GLI3: variants seen among roughly 807,000 people sequenced by gnomAD.
GLI3 encodes the protein GLI family zinc finger 3.
GLI3 carries 20 observed loss-of-function variants against 100.8 expected under a neutral mutation model. The observed-to-expected ratio is 0.20, with a 90% CI of 0.14 to 0.29. GLI3 has a LOEUF of 0.29. Ranked by LOEUF, GLI3 falls within the 10% of genes least tolerant of loss-of-function variation. GLI3 has a pLI of 1.00. For synonymous variants in GLI3, 938 were observed against 860.5 expected (o/e 1.09, Z -1.58); for missense variants, 2,040 against 2,128.5 (o/e 0.96, Z 0.82).
intron 3 of GLI3, among the ~76,000 whole-genome samples, chr7:42,120,008 T>A (rs1358269919): frequency 6.6e-6 from 1 of 152,188 alleles, no homozygotes; most frequent in Non-Finnish European, 1.5e-5. Flanking sequence ...TAGAGGGAGT[T>A]GTCTCCATCT....
At chr7:42,104,288 C>T (rs1381480400) in intron 3 of GLI3, among the ~76,000 whole-genome samples, 3 of 152,176 alleles carry the variant, frequency 2.0e-5, no homozygotes, top group Non-Finnish European at 4.4e-5. Context: ...AGACATACTG[C>T]GTACCCAACA....
At chr7:42,150,652 GA>G (rs772099264) in intron 2 of GLI3, among the ~76,000 whole-genome samples, 1 of 152,182 alleles carries the variant, frequency 6.6e-6, no homozygotes, top group Non-Finnish European at 1.5e-5. Context: ...CATTCTCTGG[GA>G]AAGATGAATA....
rs1266057870 is a variant in GLI3 at position 41,966,707 on chromosome 7, C to T, written c.2432-66G>A. ...CCCTTCGAGCATGACTTACACCAGG[C>T]ATGAGCAACCCTTTTCTGTAAAGGG... On this transcript the variant is annotated intron_variant, in intron 14 of 14. Transcript: ENST00000395925. The surrounding 1 kb of genome is among the most constrained non-coding windows in gnomAD (Gnocchi z 5.8). The T allele has an allele frequency of 5.2e-6, 8 of 1,528,134 alleles. No homozygotes were observed. In the Admixed American group the frequency reaches 1.0e-4, roughly 19 times the overall value. 94.7% of individuals were successfully genotyped at this position (1,528,134 alleles called of 1,614,324 possible). A position where few individuals can be genotyped will look rare whatever the true frequency, so the allele number is the denominator to read the frequency against.
At chr7:42,177,588 C>T (rs1358131577) in intron 2 of GLI3, among the ~76,000 whole-genome samples, 3 of 152,074 alleles carry the variant, frequency 2.0e-5, no homozygotes, top group East Asian at 3.9e-4. Context: ...ATTTCTATGG[C>T]TTAAAAACAT....
At chr7:42,135,390 A>AGCT (rs1268811973) in intron 3 of GLI3, among the ~76,000 whole-genome samples, 13 of 152,234 alleles carry the variant, frequency 8.5e-5, no homozygotes, top group Non-Finnish European at 1.3e-4. Flanking sequence ...ATGTAGCAGG[A>AGCT]GAGCATTGCC....
In GLI3 at chr7:42,048,559, A is replaced by T; in HGVS notation, c.611T>A (p.Ile204Asn). 2 of 1,613,188 alleles carry T rather than the reference A, an allele frequency of 1.2e-6. No homozygotes were observed. The highest frequency in any genetic ancestry group is 1.7e-6 in the Non-Finnish European group (2 of 1,179,732). Residue 204 changes from isoleucine to asparagine, a missense_variant, in exon 5 of 15, where the codon ATC (isoleucine) becomes AAC (asparagine). Coordinates refer to ENST00000395925, the MANE Select transcript of GLI3 (RefSeq NM_000168.6). ...HPYINPYMDY[I>N]RSLHSSPSLS... ...CGATGGGCTGCTGTGCAAGGAGCGG[A>T]TATAGTCCATGTAGGGATTAATGTA...
At position 41,965,784 on chromosome 7, in the gene GLI3, C is replaced by T. The variant is rs1226370900; in HGVS notation, c.3289G>A (p.Val1097Met). ...NDEDFLPDDV[V>M]QYLNSQNQAG... is the part of the protein sequence containing the mutation. ...TGGTTCTGGGAATTTAAATACTGCA[C>T]CACGTCGTCCGGCAGGAAATCCTCA... The change falls in exon 15 of 15, where the codon GTG (valine) becomes ATG (methionine). Residue 1097 changes from valine (V) to methionine (M), a missense_variant. Physicochemically the swap from Val to Met is conservative, Grantham distance 21. Transcript: ENST00000395925. 1.2e-6 allele frequency: 2 copies of T among 1,613,348 alleles called. No individual in the cohort carries two copies. The highest frequency in any genetic ancestry group is 1.7e-6 in the Non-Finnish European group (2 of 1,179,972).
In GLI3 at chr7:41,964,149, A is replaced by C; in HGVS notation, c.*181T>G. 1 of 586,900 alleles carries C rather than the reference A, an allele frequency of 1.7e-6. No individual in the cohort carries two copies. The highest frequency in any genetic ancestry group is 3.0e-6 in the Non-Finnish European group (1 of 332,256). 36.4% of individuals were successfully genotyped at this position (586,900 alleles called of 1,614,324 possible). On this transcript the variant is annotated 3_prime_UTR_variant, in exon 15 of 15. Transcript: ENST00000395925. ...GAAATGGAAGACAGTTTCTCCCTAG[A>C]ATACTTTAGGGTTTTTCAGAGTCCT...
chr7:42,131,607 CAT>C (rs1308157344), intron 3 of GLI3, among the ~76,000 whole-genome samples: 2 of 152,068 alleles, frequency 1.3e-5, no homozygotes, highest in Non-Finnish European at 2.9e-5. Flanking sequence ...TGGACAAAAA[CAT>C]AGCAGATGTG....
intron 13 of GLI3, among the ~76,000 whole-genome samples, chr7:41,971,186 C>T (rs1462310874): frequency 1.3e-5 from 2 of 152,208 alleles, no homozygotes; most frequent in Non-Finnish European, 2.9e-5. Flanking sequence ...CCCACACGTA[C>T]TGTGACATCA....
At chr7:42,067,618 G>T (rs1271962549) in intron 4 of GLI3, among the ~76,000 whole-genome samples, 2 of 152,040 alleles carry the variant, frequency 1.3e-5, no homozygotes, top group African/African-American at 4.8e-5. Flanking sequence ...ACCTTGTCAG[G>T]CCTGAGGGAA....
chr7:42,132,280 T>C (rs1786304541), intron 3 of GLI3, among the ~76,000 whole-genome samples: 1 of 121,174 alleles, frequency 8.3e-6, no homozygotes, highest in Non-Finnish European at 1.7e-5. Flanking sequence ...TTTTGTATTT[T>C]TAGTAGAGAT....
intron 2 of GLI3, among the ~76,000 whole-genome samples, chr7:42,197,598 A>T (rs1287069553): frequency 6.6e-6 from 1 of 152,202 alleles, no homozygotes; most frequent in East Asian, 1.9e-4. Context: ...GTGCTACTGG[A>T]GCACGGAGCC....
At chr7:42,195,085 C>T (rs976445443) in intron 2 of GLI3, among the ~76,000 whole-genome samples, 1 of 152,026 alleles carries the variant, frequency 6.6e-6, no homozygotes, top group African/African-American at 2.4e-5. Flanking sequence ...GTCAACTTAT[C>T]TCACCCCCAC....
intron 2 of GLI3, 138 bp downstream of exon 2, chr7:42,222,992 C>G: frequency 1.9e-6 from 2 of 1,032,460 alleles, no homozygotes; most frequent in Non-Finnish European, 3.0e-6. Context: ...CGCCGTCCCC[C>G]CGCCCCTGCT....
intron 3 of GLI3, among the ~76,000 whole-genome samples, chr7:42,117,375 C>A (rs1013862859): frequency 6.6e-6 from 1 of 152,198 alleles, no homozygotes; most frequent in African/African-American, 2.4e-5. Context: ...TGTCACCTGT[C>A]TGACAGGTAG....
At position 42,038,601 on chromosome 7, in the gene GLI3, G is replaced by C. The variant is rs184124953; in HGVS notation, c.1028+1437C>G. On this transcript the variant is annotated intron_variant, in intron 7 of 14. Transcript: ENST00000395925. Reference sequence around the variant, plus strand: ...GGAAAGTGCCCCAGGACCCCTCCCTGTGCACTGACTGCTATCACAGTTGCT... The same window carrying C: ...GGAAAGTGCCCCAGGACCCCTCCCTCTGCACTGACTGCTATCACAGTTGCT... 2.2e-3 allele frequency among the ~76,000 whole-genome samples: 337 copies of C among 152,276 alleles called. 3 individuals carry two copies. In the Middle Eastern group the frequency reaches 0.024, roughly 11 times the overall value.
chr7:42,110,443 G>A (rs531723729), intron 3 of GLI3, among the ~76,000 whole-genome samples: 1 of 152,286 alleles, frequency 6.6e-6, no homozygotes, highest in African/African-American at 2.4e-5. Flanking sequence ...GGCCGTGTCA[G>A]CAGCACAGGC....
chr7:42,152,891 T>C (rs1399906538), intron 2 of GLI3, among the ~76,000 whole-genome samples: 1 of 152,180 alleles, frequency 6.6e-6, no homozygotes, highest in Non-Finnish European at 1.5e-5. Context: ...CTTTTTTCTT[T>C]GCCAGAATTT....
Sources: allele counts gnomAD v4.1 joint callset (sites outside exome capture counted in the v4.1 genomes callset), GRCh38; gene constraint gnomAD v4.1.1; non-coding constraint Gnocchi (gnomAD v3.1); transcripts MANE v1.5; gene names NCBI Gene and HGNC (gene_info 2026-07-23, HGNC 2026-07-21).